The following NALF1 variants were observed in gnomAD, a reference collection of about 807,000 sequenced individuals.
NALF1 encodes family with sequence similarity 155 member A.
NALF1 carries 3 observed loss-of-function variants against 48.4 expected under a neutral mutation model. The observed-to-expected ratio is 0.06, with a 90% CI of 0.03 to 0.16. The LOEUF (loss-of-function observed/expected upper bound fraction) is 0.16. Ranked by LOEUF, NALF1 falls within the 10% of genes least tolerant of loss-of-function variation. The pLI is 1.00. For missense variants in NALF1, 526 were observed against 571.5 expected, an observed-to-expected ratio of 0.92 and a Z score of 0.81; for synonymous variants, 262 against 245.7, an observed-to-expected ratio of 1.07 and a Z score of -0.62.
chr13:107,506,270 T>C (rs901212705), intron 1 of NALF1, among the ~76,000 whole-genome samples: 11 of 152,156 alleles, frequency 7.2e-5, no homozygotes, highest in African/African-American at 2.2e-4. Flanking sequence ...AAGAAAATAT[T>C]GTAATATGTA....
chr13:107,612,091 GA>G (rs1475468904), intron 1 of NALF1, among the ~76,000 whole-genome samples: 783 of 58,692 alleles, frequency 0.013, 13 homozygotes, highest in Middle Eastern at 0.02. Flanking sequence ...GGGGGGGAGA[GA>G]GGGGAGGGGG....
intron 1 of NALF1, among the ~76,000 whole-genome samples, chr13:107,802,458 T>A (rs898443850): frequency 6.6e-6 from 1 of 152,166 alleles, no homozygotes. Context: ...CTTCTAAACA[T>A]TGTGCATGTA....
intron 2 of NALF1, among the ~76,000 whole-genome samples, chr13:107,190,920 G>T (rs1417582584): frequency 6.6e-6 from 1 of 152,174 alleles, no homozygotes; most frequent in African/African-American, 2.4e-5. Context: ...ATTTGAAGAG[G>T]ATACTATTCA....
intron 1 of NALF1, among the ~76,000 whole-genome samples, chr13:107,683,631 GT>G (rs1881359119): frequency 6.6e-6 from 1 of 152,172 alleles, no homozygotes; most frequent in Non-Finnish European, 1.5e-5. Context: ...TGGCTGCTTG[GT>G]TTTGTCCTTT....
At chr13:107,257,766 G>C (rs926236976) in intron 1 of NALF1, among the ~76,000 whole-genome samples, 1 of 152,100 alleles carries the variant, frequency 6.6e-6, no homozygotes, top group Non-Finnish European at 1.5e-5. Context: ...AGGACTGTAG[G>C]GACTGTGATG....
At chr13:107,250,315 T>G in intron 1 of NALF1, among the ~76,000 whole-genome samples, 1 of 152,286 alleles carries the variant, frequency 6.6e-6, no homozygotes, top group South Asian at 2.1e-4. Context: ...AACTAGAAAC[T>G]ATTTTATATT....
At chr13:107,298,832 T>C (rs1299994018) in intron 1 of NALF1, among the ~76,000 whole-genome samples, 1 of 152,210 alleles carries the variant, frequency 6.6e-6, no homozygotes, top group Admixed American at 6.5e-5. Context: ...TTCGCCCAGC[T>C]TTCCCTAATG....
chr13:107,298,705 C>T (rs1366712913), intron 1 of NALF1, among the ~76,000 whole-genome samples: 2 of 152,134 alleles, frequency 1.3e-5, no homozygotes, highest in Non-Finnish European at 2.9e-5. Context: ...GTTGGGATTA[C>T]AGGCGTGAGC....
At chr13:107,757,764 G>A (rs1009839454) in intron 1 of NALF1, among the ~76,000 whole-genome samples, 2 of 152,012 alleles carry the variant, frequency 1.3e-5, no homozygotes, top group Non-Finnish European at 2.9e-5. Flanking sequence ...TGGCTAATGA[G>A]TAAAATAAAG....
Position 107,308,361 on chromosome 13 carries a change from C to A in NALF1, c.916-97606G>T, listed in dbSNP as rs528835485. ...GGACTAAAGGTACCCGCCACCACGC[C>A]CGGCTAATTTTTTTGTATTTTCAGT... On this transcript the variant is annotated intron_variant, in intron 1 of 2. Transcript: ENST00000375915. Among the ~76,000 whole-genome samples, 6 of 151,990 alleles carry A rather than the reference C, an allele frequency of 3.9e-5. No individual in the cohort carries two copies. The East Asian group carries it at 7.7e-4, about 20-fold the overall frequency.
chr13:107,653,828 G>C (rs1880507825), intron 1 of NALF1, among the ~76,000 whole-genome samples: 1 of 151,966 alleles, frequency 6.6e-6, no homozygotes, highest in Admixed American at 6.6e-5. Context: ...AAAATAAAAA[G>C]TTTAAGCAAG....
chr13:107,630,667 T>C (rs1879811959), intron 1 of NALF1, among the ~76,000 whole-genome samples: 1 of 152,136 alleles, frequency 6.6e-6, no homozygotes, highest in East Asian at 1.9e-4. Context: ...ATATTTTGCA[T>C]ATACAGGTAT....
intron 1 of NALF1, among the ~76,000 whole-genome samples, chr13:107,471,554 T>A (rs1395880451): frequency 6.6e-6 from 1 of 152,210 alleles, no homozygotes; most frequent in Non-Finnish European, 1.5e-5. Flanking sequence ...TATGTAAGTT[T>A]CCAGTATGAC....
At chr13:107,694,938 A>G (rs1341685677) in intron 1 of NALF1, among the ~76,000 whole-genome samples, 1 of 152,002 alleles carries the variant, frequency 6.6e-6, no homozygotes, top group Non-Finnish European at 1.5e-5. Context: ...GACTACAGGC[A>G]TGCTCCAACA....
intron 1 of NALF1, among the ~76,000 whole-genome samples, chr13:107,657,601 G>A (rs1039968641): frequency 1.3e-5 from 2 of 152,120 alleles, no homozygotes; most frequent in African/African-American, 4.8e-5. Context: ...TGGGTAGGAA[G>A]TATTTACCAG....
At chr13:107,327,819 G>A (rs1032785634) in intron 1 of NALF1, among the ~76,000 whole-genome samples, 3 of 152,124 alleles carry the variant, frequency 2.0e-5, no homozygotes, top group African/African-American at 7.2e-5. Context: ...CTGATTATGG[G>A]TGACTCTATA....
chr13:107,561,410 T>A (rs910908201), intron 1 of NALF1, among the ~76,000 whole-genome samples: 1 of 152,200 alleles, frequency 6.6e-6, no homozygotes, highest in African/African-American at 2.4e-5. Flanking sequence ...GTTTTTCTTA[T>A]GTTACCTTGT....
chr13:107,433,236 T>A (rs1884411324), intron 1 of NALF1, among the ~76,000 whole-genome samples: 1 of 152,212 alleles, frequency 6.6e-6, no homozygotes, highest in Non-Finnish European at 1.5e-5. Context: ...ATTGATTAAA[T>A]TAATTTTTAT....
At chr13:107,333,941 A>C (rs913744490) in intron 1 of NALF1, among the ~76,000 whole-genome samples, 8 of 152,236 alleles carry the variant, frequency 5.3e-5, no homozygotes, top group Admixed American at 2.0e-4. Context: ...AGAAAAGGAT[A>C]TATCTTTATT....
Sources: gnomAD v4.1 joint callset for allele counts (sites outside exome capture counted in the v4.1 genomes callset) on GRCh38, gnomAD v4.1.1 for gene constraint, MANE v1.5 for transcripts, NCBI Gene and HGNC (gene_info 2026-07-23, HGNC 2026-07-21) for gene names.